The following C12orf42 variants were observed in gnomAD, a reference collection of about 807,000 sequenced individuals.
C12orf42 encodes uncharacterized protein C12orf42.
A neutral mutation model predicts 21.6 loss-of-function variants in C12orf42; 25 were observed. The ratio of observed to expected loss-of-function variants is 1.16; its 90% CI spans 0.84 to 1.62. The LOEUF is 1.62. C12orf42 is among the 40% of genes most tolerant of loss of function. The pLI is 0.00. For missense variants in C12orf42, 483 were observed against 459.3 expected (o/e 1.05, Z -0.47); for synonymous variants, 174 against 175.0 (o/e 0.99, Z 0.05).
chr12:103,256,709 G>A (rs2034635555), intron 10 of C12orf42, among the ~76,000 whole-genome samples: 2 of 152,030 alleles, frequency 1.3e-5, no homozygotes, highest in Non-Finnish European at 2.9e-5. Context: ...TTCTAATACA[G>A]GAAACACCTA....
At chr12:103,439,169 A>G (rs1240788948) in intron 2 of C12orf42, among the ~76,000 whole-genome samples, 1 of 151,584 alleles carries the variant, frequency 6.6e-6, no homozygotes, top group Non-Finnish European at 1.5e-5. Context: ...AGGATTCCCT[A>G]TTTAATAAAT....
At chr12:103,494,336 C>T (rs1284363044) in intron 1 of C12orf42, among the ~76,000 whole-genome samples, 1 of 152,202 alleles carries the variant, frequency 6.6e-6, no homozygotes, top group Non-Finnish European at 1.5e-5. Flanking sequence ...CCATAAAAAT[C>T]AAGAAACAAG....
chr12:103,237,097 G>T (rs1418652149), downstream of C12orf42, among the ~76,000 whole-genome samples: 4 of 152,184 alleles, frequency 2.6e-5, no homozygotes, highest in African/African-American at 9.6e-5. Context: ...TTGTTAGCAT[G>T]TTAGTTTGGC....
At chr12:103,536,745 TGTCACTCTCCACAAGAAGCCCA>T in the C12orf42 span, among the ~76,000 whole-genome samples, 1 of 152,140 alleles carries the variant, frequency 6.6e-6, no homozygotes, top group African/African-American at 2.4e-5. Context: ...CCTTTGCTCT[TGTCACTCTCCACAAGAAGCCCA>T]GAGTGCCCAG....
chr12:103,112,994 G>A, the C12orf42 span, among the ~76,000 whole-genome samples: 1 of 152,274 alleles, frequency 6.6e-6, no homozygotes, highest in African/African-American at 2.4e-5. Context: ...TGACAGGAAG[G>A]AGACTTTTGA....
At chr12:103,368,155 G>C (rs1354547998) in intron 4 of C12orf42, 1 of 784,802 alleles carries the variant, frequency 1.3e-6, no homozygotes, top group African/African-American at 1.8e-5. Context: ...ATCATCTATG[G>C]TGACAATGTT....
At chr12:103,319,815 C>T (rs1210246448) in intron 4 of C12orf42, among the ~76,000 whole-genome samples, 1 of 152,198 alleles carries the variant, frequency 6.6e-6, no homozygotes, top group Admixed American at 6.5e-5. Context: ...CTTCGCACAG[C>T]AGTGGTGCTG....
the C12orf42 span, chr12:103,155,137 CCTTT>C: frequency 2.6e-5 from 4 of 152,278 alleles, no homozygotes; most frequent in South Asian, 4.1e-4. Context: ...ACTCATGGCC[CCTTT>C]CTTAGTTTAG....
the C12orf42 span, among the ~76,000 whole-genome samples, chr12:103,054,925 A>C: frequency 6.6e-6 from 1 of 151,850 alleles, no homozygotes. Context: ...AATAAACCTC[A>C]CTTGGTCATA....
the C12orf42 span, among the ~76,000 whole-genome samples, chr12:103,518,806 T>C: frequency 2.6e-5 from 4 of 152,212 alleles, no homozygotes; most frequent in Non-Finnish European, 4.4e-5. Flanking sequence ...TTTTACATCC[T>C]ACTTCCCATC....
At chr12:103,071,019 A>G in the C12orf42 span, among the ~76,000 whole-genome samples, 1 of 152,180 alleles carries the variant, frequency 6.6e-6, no homozygotes, top group East Asian at 1.9e-4. Flanking sequence ...GTCAGAGTGA[A>G]GTAAAATGCC....
At chr12:103,512,978 GGCGACA>G in the C12orf42 span, among the ~76,000 whole-genome samples, 1 of 151,736 alleles carries the variant, frequency 6.6e-6, no homozygotes, top group South Asian at 2.1e-4. Context: ...CTCCAGCCTG[GGCGACA>G]GAGTGAGACT....
At chr12:103,140,407 T>G in the C12orf42 span, among the ~76,000 whole-genome samples, 1 of 152,190 alleles carries the variant, frequency 6.6e-6, no homozygotes, top group African/African-American at 2.4e-5. Flanking sequence ...CCTGATAGAT[T>G]GGCTCTTACG....
rs1593901423 is a variant in C12orf42 at position 103,415,148 on chromosome 12, C to G, written c.79-13473G>C. On this transcript the variant is annotated intron_variant, in intron 2 of 5. Transcript: ENST00000548883. ...TTCTTATATTAGGAAAAAAAAAATA[C>G]TTTAAACCATAAGAATTAAGAAGGA... 2.6e-5 allele frequency among the ~76,000 whole-genome samples: 4 copies of G among 151,944 alleles called. No homozygotes were observed. In the South Asian group the frequency reaches 8.3e-4, roughly 32 times the overall value.
chr12:103,305,907 C>T (rs7488867), intron 5 of C12orf42, 67 bp downstream of exon 5: 428,996 of 1,514,858 alleles, frequency 0.28, 64,782 homozygotes, highest in African/African-American at 0.53. Flanking sequence ...TCTGTTTATA[C>T]TGAAGTTAAA....
chr12:103,383,921 G>T (rs372715090), intron 3 of C12orf42, among the ~76,000 whole-genome samples: 7 of 152,196 alleles, frequency 4.6e-5, no homozygotes, highest in Non-Finnish European at 2.9e-5. Flanking sequence ...GCAGAGCCTA[G>T]GTGCTGTCAT....
intron 10 of C12orf42, among the ~76,000 whole-genome samples, chr12:103,254,764 G>C (rs1194027645): frequency 6.6e-6 from 1 of 152,132 alleles, no homozygotes; most frequent in African/African-American, 2.4e-5. Flanking sequence ...CCTGCTGGGG[G>C]ATTGTGTGGG....
At chr12:103,478,692 T>C (rs1163065885) in intron 1 of C12orf42, among the ~76,000 whole-genome samples, 2 of 151,152 alleles carry the variant, frequency 1.3e-5, no homozygotes, top group South Asian at 4.2e-4. Context: ...CTCAATAAAA[T>C]TCTATACTTT....
At chr12:103,330,735 A>G (rs2041175444) in intron 4 of C12orf42, among the ~76,000 whole-genome samples, 1 of 152,200 alleles carries the variant, frequency 6.6e-6, no homozygotes, top group African/African-American at 2.4e-5. Flanking sequence ...ATCTTGAATT[A>G]TAGTTCTCTA....
Sources: allele counts gnomAD v4.1 joint callset (sites outside exome capture counted in the v4.1 genomes callset), GRCh38; gene constraint gnomAD v4.1.1; transcripts MANE v1.5; gene names NCBI Gene and HGNC (gene_info 2026-07-23, HGNC 2026-07-21).